ASTN2: variants seen among roughly 807,000 people sequenced by gnomAD.
ASTN2 encodes the protein astrotactin 2.
ASTN2 carries 54 observed loss-of-function variants against 139.8 expected under a neutral mutation model. That is an observed-to-expected ratio of 0.39 (90% CI 0.31 to 0.48). The LOEUF is 0.48. ASTN2 is among the 20% of genes least tolerant of loss of function. The pLI, the probability that ASTN2 is intolerant of heterozygous loss-of-function variation, is 0.95. For missense variants in ASTN2, 1,565 were observed against 1,725.1 expected (o/e 0.91, Z 1.64); for synonymous variants, 756 against 719.5 (o/e 1.05, Z -0.81).
intron 1 of ASTN2, among the ~76,000 whole-genome samples, chr9:117,333,444 A>G (rs1263677832): frequency 6.6e-6 from 1 of 152,214 alleles, no homozygotes; most frequent in Admixed American, 6.5e-5. Context: ...AGAAAATGTG[A>G]GAGCAGCAAC....
chr9:117,085,507 C>T (rs1828538328), intron 5 of ASTN2, among the ~76,000 whole-genome samples: 1 of 152,192 alleles, frequency 6.6e-6, no homozygotes, highest in African/African-American at 2.4e-5. Flanking sequence ...GGGCTGGTCC[C>T]TGCACAGCAC....
intron 10 of ASTN2, among the ~76,000 whole-genome samples, chr9:116,870,533 C>G (rs2132351926): frequency 6.6e-6 from 1 of 152,198 alleles, no homozygotes. Flanking sequence ...CCTATATAAC[C>G]CAGACATTGT....
At chr9:117,388,496 A>C (rs1176902130) in intron 1 of ASTN2, among the ~76,000 whole-genome samples, 1 of 152,200 alleles carries the variant, frequency 6.6e-6, no homozygotes, top group Non-Finnish European at 1.5e-5. Context: ...TATTGCTCCC[A>C]AGATCCCCAG....
intron 17 of ASTN2, among the ~76,000 whole-genome samples, chr9:116,632,187 A>AGAGAGAGAGAGG (rs1564168867): frequency 3.3e-4 from 12 of 35,928 alleles, no homozygotes; most frequent in Admixed American, 6.0e-4. Flanking sequence ...AGAGAGAGGG[A>AGAGAGAGAGAGG]GAGAGAGAGA....
At chr9:117,227,570 A>T (rs1246590883) in intron 2 of ASTN2, among the ~76,000 whole-genome samples, 1 of 152,226 alleles carries the variant, frequency 6.6e-6, no homozygotes, top group Non-Finnish European at 1.5e-5. Flanking sequence ...CTCCTCAAGG[A>T]CAATAACTAG....
At chr9:117,238,352 C>A (rs1433266664) in intron 2 of ASTN2, among the ~76,000 whole-genome samples, 1 of 152,128 alleles carries the variant, frequency 6.6e-6, no homozygotes, top group African/African-American at 2.4e-5. Flanking sequence ...GAATTCAAAC[C>A]CAGGTCAGCT....
At chr9:116,836,134 C>T (rs7866077) in intron 11 of ASTN2, among the ~76,000 whole-genome samples, 36,038 of 152,016 alleles carry the variant, frequency 0.24, 4,911 homozygotes, top group East Asian at 0.5. Context: ...ACTAGGACTT[C>T]ACGGATCTCT....
At chr9:116,601,190 C>A (rs368638965) in intron 19 of ASTN2, among the ~76,000 whole-genome samples, 1 of 152,034 alleles carries the variant, frequency 6.6e-6, no homozygotes, top group South Asian at 2.1e-4. Context: ...ATTGTACAGA[C>A]CCAAGTGGGA....
chr9:116,870,173 G>A (rs139775568), intron 10 of ASTN2, among the ~76,000 whole-genome samples: 27 of 152,212 alleles, frequency 1.8e-4, no homozygotes, highest in African/African-American at 6.3e-4. Context: ...GAAAGACACA[G>A]CCAGATAAAT....
At chr9:117,396,528 A>T (rs1296131110) in intron 1 of ASTN2, among the ~76,000 whole-genome samples, 3 of 152,078 alleles carry the variant, frequency 2.0e-5, no homozygotes, top group Non-Finnish European at 4.4e-5. Context: ...TTGTGTGTAT[A>T]TTGTAGGTGC....
At chr9:116,832,892 G>A (rs921418251) in intron 11 of ASTN2, among the ~76,000 whole-genome samples, 1 of 151,426 alleles carries the variant, frequency 6.6e-6, no homozygotes, top group African/African-American at 2.4e-5. Flanking sequence ...AAATGATTTG[G>A]GAAGTATTCT....
chr9:116,611,888 A>C (rs1855556988), intron 19 of ASTN2: 1 of 152,146 alleles, frequency 6.6e-6, no homozygotes, highest in South Asian at 2.1e-4. Flanking sequence ...CACTTCAGAA[A>C]ACTGAAAAGG....
chr9:116,785,739 C>T (rs569539808), intron 13 of ASTN2, among the ~76,000 whole-genome samples: 2 of 152,220 alleles, frequency 1.3e-5, no homozygotes, highest in South Asian at 4.2e-4. Context: ...CATACAGAAT[C>T]TGCCCACCTC....
chr9:117,090,767 G>A (rs542297000), intron 5 of ASTN2, among the ~76,000 whole-genome samples: 1 of 152,342 alleles, frequency 6.6e-6, no homozygotes, highest in South Asian at 2.1e-4. Context: ...ATGACAAGGT[G>A]AGGTCAGGAC....
chr9:116,904,626 T>A (rs1336194770), intron 10 of ASTN2, among the ~76,000 whole-genome samples: 1 of 152,210 alleles, frequency 6.6e-6, no homozygotes, highest in African/African-American at 2.4e-5. Context: ...AGTTCATTAA[T>A]ACATGTAAAC....
At chr9:117,033,595 C>A (rs774528046) in intron 6 of ASTN2, among the ~76,000 whole-genome samples, 5 of 152,126 alleles carry the variant, frequency 3.3e-5, no homozygotes, top group Non-Finnish European at 7.4e-5. Flanking sequence ...TGACCATACT[C>A]ATTACCCATA....
chr9:117,373,236 A>G (rs1830034015), intron 1 of ASTN2, among the ~76,000 whole-genome samples: 1 of 152,154 alleles, frequency 6.6e-6, no homozygotes, highest in Admixed American at 6.5e-5. Flanking sequence ...AAACTCCTTA[A>G]AAGACTTCTA....
intron 20 of ASTN2, among the ~76,000 whole-genome samples, chr9:116,482,737 G>A (rs73655133): frequency 0.022 from 3,312 of 152,030 alleles, 134 homozygotes; most frequent in African/African-American, 0.075. Context: ...TACCCACCCC[G>A]CTAAGATAGA....
At chr9:117,132,168 A>G (rs187196154) in intron 4 of ASTN2, among the ~76,000 whole-genome samples, 1 of 152,258 alleles carries the variant, frequency 6.6e-6, no homozygotes, top group East Asian at 1.9e-4. Context: ...CTCAATCCAA[A>G]AAACCTTGCA....
Sources: gnomAD v4.1 joint callset for allele counts (sites outside exome capture counted in the v4.1 genomes callset) on GRCh38, gnomAD v4.1.1 for gene constraint, MANE v1.5 for transcripts, NCBI Gene and HGNC (gene_info 2026-07-23, HGNC 2026-07-21) for gene names.